Variants in DCP2 observed in about 807,000 individuals in gnomAD.
DCP2 encodes the protein m7GpppN-mRNA hydrolase.
A neutral mutation model predicts 56.1 loss-of-function variants in DCP2; 30 were observed. The ratio of observed to expected loss-of-function variants is 0.53; its 90% confidence interval spans 0.40 to 0.73. The LOEUF (loss-of-function observed/expected upper bound fraction) is 0.73. Ranked by LOEUF, DCP2 falls within the 30% of genes least tolerant of loss-of-function variation. The pLI, the probability that DCP2 is intolerant of heterozygous loss-of-function variation, is 0.00. For synonymous variants in DCP2, 197 were observed against 163.3 expected (o/e 1.21, Z -1.57); for missense variants, 533 against 502.7 (o/e 1.06, Z -0.58).
intron 2 of DCP2, among the ~76,000 whole-genome samples, chr5:112,991,396 G>A (rs1417607711): frequency 1.3e-5 from 2 of 152,116 alleles, no homozygotes; most frequent in Non-Finnish European, 2.9e-5. Flanking sequence ...TCAGGGTTTG[G>A]ATTTTACTTA....
intron 1 of DCP2, among the ~76,000 whole-genome samples, chr5:112,982,768 A>G (rs1023933450): frequency 6.6e-6 from 1 of 152,138 alleles, no homozygotes; most frequent in African/African-American, 2.4e-5. Context: ...CCATCTTTCA[A>G]CCCTCACTCC....
chr5:112,991,327 A>T (rs1748577527), intron 2 of DCP2, among the ~76,000 whole-genome samples: 1 of 152,206 alleles, frequency 6.6e-6, no homozygotes, highest in Admixed American at 6.5e-5. Flanking sequence ...TAAAATTAAC[A>T]GTATTATAGT....
intron 7 of DCP2, among the ~76,000 whole-genome samples, chr5:113,002,746 C>T (rs887147106): frequency 2.0e-5 from 3 of 152,230 alleles, no homozygotes; most frequent in African/African-American, 7.2e-5. Flanking sequence ...TGCTGTTGAA[C>T]TCTTGGGCTC....
At chr5:112,998,405 C>A (rs1461820355) in intron 4 of DCP2, among the ~76,000 whole-genome samples, 1 of 152,202 alleles carries the variant, frequency 6.6e-6, no homozygotes, top group Admixed American at 6.5e-5. Context: ...AGACCATCCC[C>A]CAACTCTCAA....
intron 4 of DCP2, among the ~76,000 whole-genome samples, chr5:112,993,363 G>A (rs968203840): frequency 6.6e-6 from 1 of 151,928 alleles, no homozygotes; most frequent in Non-Finnish European, 1.5e-5. Flanking sequence ...GGCCAGGCAC[G>A]GTGGCTCACG....
Position 112,980,391 on chromosome 5 carries a change from C to G in DCP2, c.53+3405C>G, listed in dbSNP as rs568009273. Among the ~76,000 whole-genome samples, 5 of 152,118 alleles carry G rather than the reference C, an allele frequency of 3.3e-5. No individual in the cohort carries two copies. In the South Asian group the frequency reaches 8.3e-4, roughly 25 times the overall value. ...TAATTTGTGCTCATCTTCAGCTAGC[C>G]GTGTTAGTGTTGAATTCAACCGGAA... On this transcript the variant is annotated intron_variant, in intron 1 of 10. Coordinates refer to ENST00000389063, the MANE Select transcript of DCP2 (RefSeq NM_152624.6).
chr5:113,000,464 T>C (rs959344129), intron 4 of DCP2, among the ~76,000 whole-genome samples: 2 of 151,744 alleles, frequency 1.3e-5, no homozygotes, highest in Non-Finnish European at 2.9e-5. Context: ...ATTCTTGATC[T>C]TAATGGTGTC....
chr5:113,021,865 G>A lies in DCP2; in HGVS notation c.*8381G>A, dbSNP rs183359647. 6.6e-6 allele frequency among the ~76,000 whole-genome samples: 1 copy of A among 152,282 alleles called. No homozygotes were observed. The highest frequency in any genetic ancestry group is 1.9e-4 in the East Asian group (1 of 5,182). ...ATGATCTTTCTTTAAGAGGGGAAAA[G>A]ACTCTCTTCAATAGATAACTTCCTA... On this transcript the variant is annotated 3_prime_UTR_variant, in exon 11 of 11. Transcript: ENST00000389063.
intron 1 of DCP2, among the ~76,000 whole-genome samples, chr5:112,982,460 G>A (rs1748052205): frequency 6.6e-6 from 1 of 152,044 alleles, no homozygotes; most frequent in Non-Finnish European, 1.5e-5. Flanking sequence ...TGTTTTGCTT[G>A]TGCGCATTTT....
chr5:113,002,150 C>A (rs1749210560), intron 7 of DCP2, among the ~76,000 whole-genome samples: 1 of 152,128 alleles, frequency 6.6e-6, no homozygotes, highest in Non-Finnish European at 1.5e-5. Flanking sequence ...CAGCAAGGGA[C>A]AGTGGCTCAC....
intron 4 of DCP2, among the ~76,000 whole-genome samples, chr5:113,000,412 A>C (rs372574918): frequency 9.5e-6 from 1 of 105,238 alleles, no homozygotes; most frequent in African/African-American, 3.7e-5. Context: ...ACACACACAC[A>C]CACACACACA....
At chr5:112,989,239 G>T (rs914195112) in intron 2 of DCP2, among the ~76,000 whole-genome samples, 2 of 152,178 alleles carry the variant, frequency 1.3e-5, no homozygotes, top group African/African-American at 4.8e-5. Context: ...TCCCATCTTG[G>T]CCACTCGAAA....
At chr5:113,012,065 G>A (rs1178190729) in intron 10 of DCP2, among the ~76,000 whole-genome samples, 1 of 152,082 alleles carries the variant, frequency 6.6e-6, no homozygotes, top group African/African-American at 2.4e-5. Flanking sequence ...CATGTTAGGT[G>A]GATAGTGAAA....
intron 4 of DCP2, 77 bp downstream of exon 4, chr5:112,992,847 AC>A: frequency 9.4e-7 from 1 of 1,060,092 alleles, no homozygotes; most frequent in Non-Finnish European, 1.3e-6. Context: ...ATATAGACTT[AC>A]TTCTTTGGAC....
At chr5:112,989,589 G>A (rs1748482760) in intron 2 of DCP2, among the ~76,000 whole-genome samples, 1 of 152,050 alleles carries the variant, frequency 6.6e-6, no homozygotes, top group Non-Finnish European at 1.5e-5. Flanking sequence ...AACATGTAGG[G>A]GTCTTGTAGG....
At position 113,003,960 on chromosome 5, in the gene DCP2, C is replaced by G; in HGVS notation, c.825C>G (p.His275Gln). 5.0e-6 allele frequency: 8 copies of G among 1,614,126 alleles called. No individual in the cohort carries two copies. The highest frequency in any genetic ancestry group is 6.8e-6 in the Non-Finnish European group (8 of 1,180,004). Residue 275 changes from histidine (H) to glutamine (Q), a missense_variant, in exon 8 of 11, where the codon CAC becomes CAG. Transcript: ENST00000389063. ...GGTGTAGTCGAACCAAATTCCGCCA[C>G]AGTCAGCAGTTATTTCCTGACGGTT... is the stretch of plus-strand genomic sequence containing the variant. Reference protein sequence around the residue: ...VEKLSRTKFRHSQQLFPDGSP... With the variant: ...VEKLSRTKFRQSQQLFPDGSP...
intron 6 of DCP2, 35 bp from the exon 7 acceptor site, chr5:113,001,532 C>G: frequency 1.9e-6 from 3 of 1,609,120 alleles, no homozygotes; most frequent in Non-Finnish European, 2.6e-6. Flanking sequence ...TGTCTGTAGC[C>G]ATATTTTGAA....
chr5:113,003,135 A>T (rs1749256768), intron 7 of DCP2, among the ~76,000 whole-genome samples: 1 of 133,822 alleles, frequency 7.5e-6, no homozygotes, highest in Non-Finnish European at 1.6e-5. Flanking sequence ...GTCTTTCAGA[A>T]TCTGTTATTG....
In DCP2 at chr5:113,013,837, T is replaced by TA; in HGVS notation, c.*354dup. On this transcript the variant is annotated 3_prime_UTR_variant, in exon 11 of 11. Transcript: ENST00000389063. ...TAATGGGAATGCTCCATCTACCTGTTACAGTGATTGCAATAATAGTATATT... is the reference window on the plus strand; with the variant it reads ...TAATGGGAATGCTCCATCTACCTGTTAACAGTGATTGCAATAATAGTATATT... 1.1e-5 allele frequency: 2 copies of TA among 179,656 alleles called. No individual in the cohort carries two copies. Among genetic ancestry groups the TA allele is most frequent in the East Asian group, 1.5e-4 (1 of 6,658 alleles). The allele number at this position is 179,656 out of a possible 1,614,324, so 11.1% of individuals were successfully genotyped here.
Sources: gnomAD v4.1 joint callset for allele counts (sites outside exome capture counted in the v4.1 genomes callset) on GRCh38, gnomAD v4.1.1 for gene constraint, MANE v1.5 for transcripts, NCBI Gene and HGNC (gene_info 2026-07-23, HGNC 2026-07-21) for gene names.